ATP2B1: variants seen among roughly 807,000 people sequenced by gnomAD.
The protein encoded by ATP2B1 is plasma membrane calcium-transporting ATPase 1.
Under a neutral mutation model 124.2 loss-of-function variants are expected in ATP2B1, and 14 were observed. The ratio of observed to expected loss-of-function variants is 0.11; its 90% CI spans 0.07 to 0.18. The LOEUF (loss-of-function observed/expected upper bound fraction) is 0.18, where lower values mean the gene tolerates loss of function less well. Among genes scored for constraint, ATP2B1 ranks in the 10% least tolerant of loss-of-function variants. The probability of loss-of-function intolerance (pLI) is 1.00; values close to 1 mark genes in which losing one functional copy is unlikely to be tolerated. For synonymous variants in ATP2B1, 449 were observed against 492.4 expected (o/e 0.91, Z 1.17); for missense variants, 763 against 1,466.1 (o/e 0.52, Z 7.83).
intron 1 of ATP2B1, among the ~76,000 whole-genome samples, chr12:89,681,081 G>A (rs1414847177): frequency 6.6e-6 from 1 of 152,150 alleles, no homozygotes; most frequent in African/African-American, 2.4e-5. Context: ...GGAAGCTTTA[G>A]CAAAATGACT....
At position 89,651,301 on chromosome 12, in the gene ATP2B1, T is replaced by C. The variant is rs1017150656; in HGVS notation, c.208+4378A>G. 3.3e-5 allele frequency among the ~76,000 whole-genome samples: 5 copies of C among 152,178 alleles called. No individual in the cohort carries two copies. The South Asian group carries it at 1.0e-3, about 32-fold the overall frequency. On this transcript the variant is annotated intron_variant, in intron 2 of 20. Coordinates refer to ENST00000428670, the MANE Select transcript of ATP2B1 (RefSeq NM_001366521.1). ...CTCTTTTTGTTCTTGAGACAGGGTC[T>C]CACTCTTTTGTGGGATCACACATGG...
At chr12:89,594,979 C>T (rs1158648642) in intron 20 of ATP2B1, 1 of 151,968 alleles carries the variant, frequency 6.6e-6, no homozygotes, top group African/African-American at 2.4e-5. Flanking sequence ...CAACTAGAAA[C>T]AAAATTCTAG....
At chr12:89,608,016 C>T (rs895502148) in intron 15 of ATP2B1, among the ~76,000 whole-genome samples, 15 of 151,734 alleles carry the variant, frequency 9.9e-5, no homozygotes, top group East Asian at 7.7e-4. Context: ...TTATCAACAG[C>T]GATTTCTTGT....
At chr12:89,616,401 C>T (rs765120340) in intron 12 of ATP2B1, among the ~76,000 whole-genome samples, 41 of 152,138 alleles carry the variant, frequency 2.7e-4, no homozygotes, top group Middle Eastern at 3.2e-3. Flanking sequence ...AGTCAGTATT[C>T]ACACATGGCT....
intron 1 of ATP2B1, among the ~76,000 whole-genome samples, chr12:89,661,821 G>A (rs1272981365): frequency 5.3e-5 from 8 of 152,046 alleles, no homozygotes; most frequent in Admixed American, 3.9e-4. Context: ...TACACCAAGA[G>A]CGAGAGCTAG....
In ATP2B1 at chr12:89,603,248, T is replaced by C. The variant is rs780919995; in HGVS notation, c.2855A>G (p.Lys952Arg). The C allele has an allele frequency of 9.4e-6, 15 of 1,596,970 alleles. No homozygotes were observed. Among genetic ancestry groups the C allele is most frequent in the Middle Eastern group, 3.9e-4 (2 of 5,182 alleles). The change falls in exon 18 of 21, where the codon AAG (lysine) becomes AGG (arginine). Residue 952 changes from lysine (K) to arginine (R), a missense_variant. This residue lies in a region of ATP2B1 where 118 missense variants were observed against 240.3 expected (regional missense o/e 0.49). Coordinates refer to ENST00000428670, the MANE Select transcript of ATP2B1 (RefSeq NM_001366521.1). The surrounding 1 kb of genome is among the most constrained non-coding windows in gnomAD (Gnocchi z 4.3). The part of the protein sequence containing the change: ...VVFTLLFAGE[K>R]FFDIDSGRNA... ...TCTTCCACTATCAATGTCAAAAAAC[T>C]TTTCTCCTGAAAGAATGAAAAATGA... is the stretch of plus-strand genomic sequence containing the variant.
intron 20 of ATP2B1, among the ~76,000 whole-genome samples, chr12:89,592,083 C>T (rs773736468): frequency 1.8e-4 from 27 of 152,012 alleles, no homozygotes; most frequent in Non-Finnish European, 3.5e-4. Flanking sequence ...GTATTTTCAC[C>T]CCTAAGCAGA....
intron 1 of ATP2B1, among the ~76,000 whole-genome samples, chr12:89,669,788 G>C (rs1190255063): frequency 6.6e-6 from 1 of 152,108 alleles, no homozygotes; most frequent in Non-Finnish European, 1.5e-5. Context: ...TAATGCTTAA[G>C]TTAGCTGGGT....
At chr12:89,658,647 G>T (rs961072299) in intron 1 of ATP2B1, among the ~76,000 whole-genome samples, 3 of 124,028 alleles carry the variant, frequency 2.4e-5, no homozygotes, top group African/African-American at 8.8e-5. Context: ...GAGAGAGAGA[G>T]ATAGAGATAG....
Position 89,627,825 on chromosome 12 carries a change from G to T in ATP2B1, c.929-109C>A, listed in dbSNP as rs1003170732. The T allele has an allele frequency of 2.7e-5, 32 of 1,183,428 alleles. 1 individual carries two copies. The African/African-American group carries it at 4.4e-4, about 16-fold the overall frequency. 73.3% of individuals were successfully genotyped at this position (1,183,428 alleles called of 1,614,324 possible). ...TATAACAGTTGTTACACAATGGTGT[G>T]TGTGTCTACAGATTAGAAAACATTT... On this transcript the variant is annotated intron_variant, in intron 6 of 20. Transcript: ENST00000428670.
At chr12:89,630,782 T>TATATATATTATATAAATATATATATAA (rs1881740557) in intron 5 of ATP2B1, 137 bp from the exon 6 acceptor site, 26 of 239,292 alleles carry the variant, frequency 1.1e-4, no homozygotes, top group Middle Eastern at 1.3e-3. Context: ...AATATATAAA[T>TATATATATTATATAAATATATATATAA]ATATATATAT....
At chr12:89,635,572 T>C (rs944764588) in intron 3 of ATP2B1, among the ~76,000 whole-genome samples, 2 of 152,152 alleles carry the variant, frequency 1.3e-5, no homozygotes, top group African/African-American at 2.4e-5. Context: ...CGTCAAATTA[T>C]GATACCACCA....
intron 2 of ATP2B1, among the ~76,000 whole-genome samples, chr12:89,647,440 A>C (rs1186309938): frequency 1.3e-5 from 2 of 152,184 alleles, no homozygotes; most frequent in African/African-American, 2.4e-5. Flanking sequence ...TTATATTAAG[A>C]CCTTAATATT....
chr12:89,670,303 A>G (rs1887787752), intron 1 of ATP2B1, among the ~76,000 whole-genome samples: 1 of 152,186 alleles, frequency 6.6e-6, no homozygotes, highest in South Asian at 2.1e-4. Flanking sequence ...ACGTTTAACA[A>G]TAAATAAAAA....
intron 5 of ATP2B1, among the ~76,000 whole-genome samples, 179 bp downstream of exon 5, chr12:89,634,590 TGCATTCAAA>T: frequency 6.6e-6 from 1 of 152,300 alleles, no homozygotes; most frequent in Non-Finnish European, 1.5e-5. Context: ...AATATAGCTC[TGCATTCAAA>T]GTTTTCTAAT....
At chr12:89,627,637 A>C in intron 7 of ATP2B1, 41 bp downstream of exon 7, 1 of 1,602,968 alleles carries the variant, frequency 6.2e-7, no homozygotes, top group East Asian at 2.2e-5. Context: ...TTTGGATATA[A>C]TGAAAACAAG....
At chr12:89,645,343 G>A (rs1457563832) in intron 2 of ATP2B1, among the ~76,000 whole-genome samples, 1 of 152,086 alleles carries the variant, frequency 6.6e-6, no homozygotes, top group East Asian at 1.9e-4. Context: ...TGTAACAATA[G>A]TCTGTTTCCC....
intron 1 of ATP2B1, among the ~76,000 whole-genome samples, chr12:89,678,024 A>G (rs1888892340): frequency 6.7e-6 from 1 of 148,174 alleles, no homozygotes; most frequent in Admixed American, 6.7e-5. Flanking sequence ...ACACATATAC[A>G]GAATGGAGAA....
chr12:89,613,851 C>T (rs968147797), intron 12 of ATP2B1, among the ~76,000 whole-genome samples: 16 of 152,144 alleles, frequency 1.1e-4, no homozygotes, highest in African/African-American at 3.4e-4. Flanking sequence ...AAAGCAAGGC[C>T]AAGTACTTAT....
Sources: gnomAD v4.1 joint callset for allele counts (sites outside exome capture counted in the v4.1 genomes callset) on GRCh38, gnomAD v4.1.1 for gene constraint, gnomAD v4.1.1 regional missense constraint, Gnocchi (gnomAD v3.1) non-coding constraint, MANE v1.5 for transcripts, NCBI Gene and HGNC (gene_info 2026-07-23, HGNC 2026-07-21) for gene names.